Variants in IFI27L1 observed in about 807,000 individuals in gnomAD.
IFI27L1 encodes the protein interferon alpha-inducible protein 27-like protein 1.
A neutral mutation model predicts 9.2 loss-of-function variants in IFI27L1; 3 were observed. That is an observed-to-expected ratio of 0.32 (90% CI 0.15 to 0.84). The LOEUF (loss-of-function observed/expected upper bound fraction) is 0.84. Ranked by LOEUF, IFI27L1 falls within the 40% of genes least tolerant of loss-of-function variation. The probability of loss-of-function intolerance (pLI) is 0.56; values close to 1 mark genes in which losing one functional copy is unlikely to be tolerated. For synonymous variants in IFI27L1, 53 were observed against 50.0 expected, an observed-to-expected ratio of 1.06 and a Z score of -0.26; for missense variants, 133 against 134.2, an observed-to-expected ratio of 0.99 and a Z score of 0.05.
chr14:94,097,230 G>A (rs776740260), intron 2 of IFI27L1, among the ~76,000 whole-genome samples: 1 of 152,250 alleles, frequency 6.6e-6, no homozygotes, highest in Non-Finnish European at 1.5e-5. Context: ...AAGTTACTAA[G>A]TGGTTTTGAA....
chr14:94,101,689 C>A (rs111941238), intron 3 of IFI27L1, 125 bp from the exon 4 acceptor site: 10 of 924,626 alleles, frequency 1.1e-5, no homozygotes, highest in African/African-American at 4.9e-5. Flanking sequence ...TTTTGGGATC[C>A]CATCCCTGCT....
At chr14:94,090,499 T>C (rs113403516) in intron 1 of IFI27L1, among the ~76,000 whole-genome samples, 8 of 152,240 alleles carry the variant, frequency 5.3e-5, no homozygotes, top group Non-Finnish European at 7.3e-5. Flanking sequence ...CTTTGTTCCA[T>C]GAAAGGAATC....
chr14:94,085,952 C>A (rs1247681433), intron 1 of IFI27L1, among the ~76,000 whole-genome samples: 1 of 152,052 alleles, frequency 6.6e-6, no homozygotes, highest in Non-Finnish European at 1.5e-5. Flanking sequence ...CATCTAGCAC[C>A]AAAAAACATA....
chr14:94,088,917 T>A (rs1886374509), intron 1 of IFI27L1: 1 of 152,238 alleles, frequency 6.6e-6, no homozygotes. Context: ...TTATTTTGTT[T>A]GGTTTGTTTT....
rs1031905841 is a variant in IFI27L1, at chr14:94,098,791, A to T, written c.28+1826A>T. On this transcript the variant is annotated intron_variant, in intron 2 of 4. Transcript: ENST00000555523. ...AGGAGTGGTGGTGTGTCGTGCCTAT[A>T]CACACATCTTGATGATTCACTCATG... 1.3e-5 allele frequency among the ~76,000 whole-genome samples: 2 copies of T among 152,154 alleles called. 1 individual carries two copies. The highest frequency in any genetic ancestry group is 2.9e-5 in the Non-Finnish European group (2 of 68,032).
chr14:94,093,315 C>T (rs1282011312), intron 1 of IFI27L1, among the ~76,000 whole-genome samples: 3 of 151,734 alleles, frequency 2.0e-5, no homozygotes, highest in Admixed American at 6.6e-5. Flanking sequence ...TACAGACACC[C>T]GCCACCATGC....
chr14:94,082,391 C>T (rs1486761408), intron 1 of IFI27L1, among the ~76,000 whole-genome samples: 1 of 151,696 alleles, frequency 6.6e-6, no homozygotes, highest in Non-Finnish European at 1.5e-5. Flanking sequence ...GGAGAAGCTG[C>T]AGCAAGTTAT....
intron 1 of IFI27L1, chr14:94,088,175 G>A (rs1886344654): frequency 2.9e-6 from 2 of 691,668 alleles, no homozygotes; most frequent in Non-Finnish European, 5.3e-6. Context: ...ATGTGAAGGT[G>A]GAAGGGACAC....
chr14:94,087,184 T>C (rs538572036), intron 1 of IFI27L1, among the ~76,000 whole-genome samples: 2 of 152,310 alleles, frequency 1.3e-5, no homozygotes, highest in African/African-American at 4.8e-5. Context: ...AATAACAACA[T>C]GTTTGGCTAT....
At chr14:94,086,819 G>A (rs778540593) in intron 1 of IFI27L1, among the ~76,000 whole-genome samples, 4 of 152,184 alleles carry the variant, frequency 2.6e-5, no homozygotes, top group Non-Finnish European at 4.4e-5. Flanking sequence ...CTTTTGCTTC[G>A]AGGTAAACCC....
In IFI27L1 at chr14:94,101,938, T is replaced by C; in HGVS notation, c.186T>C (p.Val62=). The change falls in exon 4 of 5, where the codon GTT becomes GTC. Residue 62 remains valine (V), a synonymous_variant. Transcript: ENST00000555523. ...CAGCCATTGCCAACGGGGGCGGAGT[T>C]GCTGCTGGCAGTCTGGTGGCTATTC... The part of the protein sequence containing the change: ...STAAIANGGG[V]AAGSLVAILQ... 2.5e-6 allele frequency: 4 copies of C among 1,614,218 alleles called. No homozygotes were observed. The highest frequency in any genetic ancestry group is 1.1e-5 in the South Asian group (1 of 91,084).
chr14:94,088,291 C>T (rs969615131), intron 1 of IFI27L1: 8 of 702,148 alleles, frequency 1.1e-5, no homozygotes, highest in East Asian at 8.0e-5. Flanking sequence ...CGTTACTATG[C>T]GAGATGCAGA....
At chr14:94,100,313 G>T (rs1161881201) in intron 2 of IFI27L1, 1 of 985,294 alleles carries the variant, frequency 1.0e-6, no homozygotes, top group Non-Finnish European at 1.2e-6. Flanking sequence ...TCCTGGGGAG[G>T]TGGCTGAGCT....
chr14:94,100,868 T>A, intron 3 of IFI27L1, 97 bp downstream of exon 3: 1 of 1,330,840 alleles, frequency 7.5e-7, no homozygotes, highest in Non-Finnish European at 1.1e-6. Flanking sequence ...CCCAGGATTC[T>A]CCAAGACATA....
intron 1 of IFI27L1, among the ~76,000 whole-genome samples, chr14:94,090,035 C>T (rs961361597): frequency 6.6e-6 from 1 of 152,160 alleles, no homozygotes; most frequent in Non-Finnish European, 1.5e-5. Context: ...CAACATATTC[C>T]ACAACAGTAA....
At chr14:94,100,225 A>G in intron 2 of IFI27L1, 2 of 973,936 alleles carry the variant, frequency 2.1e-6, no homozygotes, top group Non-Finnish European at 2.4e-6. Context: ...AAAAGCTTCA[A>G]GAAATGGCAG....
chr14:94,098,909 G>A (rs1340483022), intron 2 of IFI27L1, among the ~76,000 whole-genome samples: 1 of 152,228 alleles, frequency 6.6e-6, no homozygotes, highest in African/African-American at 2.4e-5. Context: ...AGAAAGCTAG[G>A]TAACTGCTCA....
At chr14:94,100,585 C>T (rs1394072248) in intron 2 of IFI27L1, 154 bp from the exon 3 acceptor site, 11 of 985,220 alleles carry the variant, frequency 1.1e-5, no homozygotes, top group Non-Finnish European at 1.1e-5. Flanking sequence ...AGGATGGGGC[C>T]TTCACCTCTG....
intron 2 of IFI27L1, chr14:94,100,441 A>G: frequency 3.0e-6 from 3 of 985,178 alleles, no homozygotes; most frequent in Non-Finnish European, 3.6e-6. Context: ...GCTCAACACA[A>G]CTCAGGAGGC....
Sources: allele counts gnomAD v4.1 joint callset (sites outside exome capture counted in the v4.1 genomes callset), GRCh38; gene constraint gnomAD v4.1.1; transcripts MANE v1.5; gene names NCBI Gene and HGNC (gene_info 2026-07-23, HGNC 2026-07-21).